The following WDR27 variants were observed in gnomAD, a reference collection of about 807,000 sequenced individuals.
The protein encoded by WDR27 is WD repeat domain 27.
Under a neutral mutation model 114.4 loss-of-function variants are expected in WDR27, and 100 were observed. The observed-to-expected ratio is 0.87, with a 90% CI of 0.74 to 1.03. WDR27 has a LOEUF of 1.03. WDR27 is among the 50% of genes least tolerant of loss of function. WDR27 has a pLI of 0.00. For missense variants in WDR27, 1,129 were observed against 1,092.9 expected, an observed-to-expected ratio of 1.03 and a Z score of -0.47; for synonymous variants, 449 against 423.1, an observed-to-expected ratio of 1.06 and a Z score of -0.75.
intron 3 of WDR27, 71 bp from the exon 4 acceptor site, chr6:169,670,764 C>G (rs1213344821): frequency 3.2e-6 from 5 of 1,568,408 alleles, no homozygotes; most frequent in Non-Finnish European, 4.4e-6. Context: ...GAGAAAAGTA[C>G]TGAGAATGTA....
At chr6:169,639,639 T>C (rs906246954) in intron 17 of WDR27, among the ~76,000 whole-genome samples, 2 of 152,152 alleles carry the variant, frequency 1.3e-5, no homozygotes, top group Non-Finnish European at 2.9e-5. Context: ...TGCTCTGATA[T>C]TAAACTAAGG....
intron 25 of WDR27, among the ~76,000 whole-genome samples, chr6:169,489,387 G>T (rs1430447415): frequency 2.0e-5 from 3 of 152,232 alleles, no homozygotes; most frequent in Non-Finnish European, 4.4e-5. Flanking sequence ...ATGGCAGACA[G>T]CAGTGGAAGG....
At chr6:169,479,424 G>C (rs1023219450) in intron 25 of WDR27, among the ~76,000 whole-genome samples, 3 of 152,056 alleles carry the variant, frequency 2.0e-5, no homozygotes, top group Non-Finnish European at 2.9e-5. Context: ...AAAAGACAAA[G>C]AAGGACATTA....
chr6:169,563,292 C>A (rs535151909), intron 25 of WDR27, among the ~76,000 whole-genome samples: 1 of 152,058 alleles, frequency 6.6e-6, no homozygotes, highest in Non-Finnish European at 1.5e-5. Flanking sequence ...GAAATGGAGT[C>A]GGTGAAAAAG....
Position 169,657,548 on chromosome 6 carries a change from C to T in WDR27, c.1402+728G>A, listed in dbSNP as rs184949370. Among the ~76,000 whole-genome samples the T allele has an allele frequency of 5.3e-5, 8 of 152,296 alleles. No homozygotes were observed. In the East Asian group the frequency reaches 1.5e-3, roughly 29 times the overall value. On this transcript the variant is annotated intron_variant, in intron 13 of 25. Transcript: ENST00000448612. ...GTGAAAGGCGGCTGCGGAAATGCCT[C>T]CGTTTTTCAAATGAGGTCCAGTAGG...
chr6:169,600,872 C>T (rs555213401), intron 23 of WDR27, among the ~76,000 whole-genome samples: 121 of 152,308 alleles, frequency 7.9e-4, no homozygotes, highest in African/African-American at 2.8e-3. Context: ...AGAATGGAAC[C>T]AAGTTGGAAA....
intron 24 of WDR27, among the ~76,000 whole-genome samples, chr6:169,573,328 T>C (rs1213849725): frequency 6.6e-6 from 1 of 152,226 alleles, no homozygotes; most frequent in Non-Finnish European, 1.5e-5. Context: ...AACTACCCAA[T>C]ACAATATGAA....
chr6:169,565,882 G>A (rs779586421), intron 25 of WDR27, among the ~76,000 whole-genome samples: 8 of 152,160 alleles, frequency 5.3e-5, no homozygotes, highest in African/African-American at 1.7e-4. Context: ...GGGCTCAAAC[G>A]ATCCTCCTGC....
intron 25 of WDR27, among the ~76,000 whole-genome samples, chr6:169,544,426 C>CTTTTTTTTT (rs201281369): frequency 6.4e-5 from 9 of 140,854 alleles, no homozygotes; most frequent in East Asian, 4.2e-4. Context: ...ATTTCTTTTC[C>CTTTTTTTTT]TTTTTTTTTT....
intron 25 of WDR27, among the ~76,000 whole-genome samples, chr6:169,499,988 AGCTGCTGGGT>A (rs1305586838): frequency 1.3e-5 from 2 of 152,220 alleles, no homozygotes; most frequent in Non-Finnish European, 2.9e-5. Flanking sequence ...TCCTTCCCCC[AGCTGCTGGGT>A]GCATACTTAG....
intron 13 of WDR27, among the ~76,000 whole-genome samples, chr6:169,656,754 T>C (rs1824327088): frequency 6.6e-6 from 1 of 152,228 alleles, no homozygotes; most frequent in Admixed American, 6.5e-5. Context: ...GGCATTCTCT[T>C]CTCAGCCATC....
At chr6:169,498,231 A>C (rs1190008257) in intron 25 of WDR27, among the ~76,000 whole-genome samples, 2 of 152,118 alleles carry the variant, frequency 1.3e-5, no homozygotes, top group East Asian at 3.8e-4. Flanking sequence ...CAAATCTCTC[A>C]TCTATTCAGA....
chr6:169,547,022 A>G (rs1176613478), intron 25 of WDR27, among the ~76,000 whole-genome samples: 1 of 152,210 alleles, frequency 6.6e-6, no homozygotes, highest in African/African-American at 2.4e-5. Flanking sequence ...TTATAATATA[A>G]AAAAGATAAA....
rs761073452 is a variant in WDR27 at position 169,688,876 on chromosome 6, C to G, written c.130G>C (p.Ala44Pro). Residue 44 changes from alanine (A) to proline (P), a missense_variant, in exon 2 of 26, where the codon GCT (alanine) becomes CCT (proline). Ala to Pro is a conservative substitution (Grantham distance 27). Coordinates refer to ENST00000448612, the MANE Select transcript of WDR27 (RefSeq NM_182552.5). Reference sequence around the variant, plus strand: ...AGTTCAGTTCCATCCAAAGGGAAAGCACAGTCCTGCATGCTGCAAGCAAGC... The same window carrying G: ...AGTTCAGTTCCATCCAAAGGGAAAGGACAGTCCTGCATGCTGCAAGCAAGC... ...VQLACSMQDC[A>P]FPLDGTELCI... The G allele has an allele frequency of 6.2e-7, 1 of 1,613,628 alleles. No individual in the cohort carries two copies. Among genetic ancestry groups the G allele is most frequent in the South Asian group, 1.1e-5 (1 of 90,982 alleles).
At chr6:169,701,015 G>A (rs976993734) in intron 1 of WDR27, among the ~76,000 whole-genome samples, 1 of 152,178 alleles carries the variant, frequency 6.6e-6, no homozygotes, top group Non-Finnish European at 1.5e-5. Flanking sequence ...ACAAGTGATT[G>A]CTAAAGATAC....
chr6:169,667,098 C>A (rs942403916), intron 6 of WDR27, 38 bp downstream of exon 6: 5 of 1,477,110 alleles, frequency 3.4e-6, no homozygotes, highest in Non-Finnish European at 4.5e-6. Flanking sequence ...GGGTTACACA[C>A]AACCTATTTA....
intron 25 of WDR27, among the ~76,000 whole-genome samples, chr6:169,495,745 C>T (rs2115454962): frequency 6.6e-6 from 1 of 152,114 alleles, no homozygotes; most frequent in East Asian, 1.9e-4. Context: ...CATCTGAATA[C>T]ACTTATCAGT....
chr6:169,563,304 C>T (rs1366239574), intron 25 of WDR27, among the ~76,000 whole-genome samples: 1 of 152,096 alleles, frequency 6.6e-6, no homozygotes, highest in Admixed American at 6.6e-5. Context: ...GTGAAAAAGA[C>T]AAAACAAAGC....
intron 25 of WDR27, among the ~76,000 whole-genome samples, chr6:169,540,705 C>G (rs1434820368): frequency 6.6e-6 from 1 of 152,144 alleles, no homozygotes; most frequent in Non-Finnish European, 1.5e-5. Context: ...GCTGGTATTA[C>G]AGGCATGAGA....
Sources: gnomAD v4.1 joint callset for allele counts (sites outside exome capture counted in the v4.1 genomes callset) on GRCh38, gnomAD v4.1.1 for gene constraint, MANE v1.5 for transcripts, NCBI Gene and HGNC (gene_info 2026-07-23, HGNC 2026-07-21) for gene names.